The following GLI2 variants were observed in gnomAD, a reference collection of about 807,000 sequenced individuals.
GLI2 encodes transcription activator GLI2.
A neutral mutation model predicts 78.9 loss-of-function variants in GLI2; 22 were observed. The observed-to-expected ratio is 0.28, with a 90% CI of 0.20 to 0.40. GLI2 has a LOEUF of 0.40. GLI2 is among the 10% of genes least tolerant of loss of function. The pLI, the probability that GLI2 is intolerant of heterozygous loss-of-function variation, is 1.00. For synonymous variants in GLI2, 974 were observed against 963.7 expected (o/e 1.01, Z -0.20); for missense variants, 2,097 against 2,213.2 (o/e 0.95, Z 1.05).
chr2:120,954,970 G>A (rs1681170704), intron 4 of GLI2, among the ~76,000 whole-genome samples: 1 of 152,060 alleles, frequency 6.6e-6, no homozygotes, highest in Non-Finnish European at 1.5e-5. Context: ...AGGCAGAGTA[G>A]GGAGAGATTG....
intron 2 of GLI2, among the ~76,000 whole-genome samples, chr2:120,923,498 A>C (rs1486476939): frequency 6.6e-6 from 1 of 152,088 alleles, no homozygotes; most frequent in African/African-American, 2.4e-5. Context: ...ACGTATACGC[A>C]GTAACACACA....
intron 2 of GLI2, among the ~76,000 whole-genome samples, chr2:120,893,669 G>C (rs139537681): frequency 6.6e-6 from 1 of 150,800 alleles, no homozygotes; most frequent in Non-Finnish European, 1.5e-5. Flanking sequence ...AAAAAAAAAA[G>C]GAAAAAGAAA....
chr2:120,897,077 C>T (rs1000300608), intron 2 of GLI2, among the ~76,000 whole-genome samples: 1 of 152,210 alleles, frequency 6.6e-6, no homozygotes, highest in Admixed American at 6.5e-5. Context: ...GCACTGTTCC[C>T]CATGGGGCTG....
At chr2:120,896,670 C>CA (rs1163768905) in intron 2 of GLI2, among the ~76,000 whole-genome samples, 60 of 2,190 alleles carry the variant, frequency 0.027, no homozygotes, top group African/African-American at 0.086. Flanking sequence ...CATACACCCA[C>CA]CCCCCCACAC....
At chr2:120,915,611 T>A (rs530816010) in intron 2 of GLI2, among the ~76,000 whole-genome samples, 1 of 152,176 alleles carries the variant, frequency 6.6e-6, no homozygotes, top group Non-Finnish European at 1.5e-5. Flanking sequence ...CTACCTCTGA[T>A]GCTTAGGCCA....
At chr2:120,930,642 C>T (rs1267905426) in intron 3 of GLI2, among the ~76,000 whole-genome samples, 2 of 152,256 alleles carry the variant, frequency 1.3e-5, no homozygotes, top group African/African-American at 2.4e-5. Context: ...GTTGTGGGTA[C>T]TGCAGATCCT....
intron 3 of GLI2, among the ~76,000 whole-genome samples, chr2:120,950,554 C>T (rs567607161): frequency 6.6e-6 from 1 of 152,326 alleles, no homozygotes; most frequent in African/African-American, 2.4e-5. Flanking sequence ...CGGCACCAAG[C>T]CCAATGCACA....
intron 1 of GLI2, among the ~76,000 whole-genome samples, chr2:120,749,979 C>G (rs1682814274): frequency 6.6e-6 from 1 of 152,188 alleles, no homozygotes; most frequent in Non-Finnish European, 1.5e-5. Flanking sequence ...TGCTCTAAGT[C>G]CCAAAGATAG....
intron 5 of GLI2, among the ~76,000 whole-genome samples, chr2:120,960,015 G>A (rs1681467165): frequency 6.6e-6 from 1 of 152,206 alleles, no homozygotes; most frequent in African/African-American, 2.4e-5. Flanking sequence ...GACAGCCAAG[G>A]AGAACAGGCC....
rs773285493 is a variant in GLI2, at chr2:120,989,768, A to G, written c.3803A>G (p.Gln1268Arg). ...CCAGGGCATCTGGGGCACCCTCAGCAGACAGAAGTGGCACCTGACCCCACC... is the reference window on the plus strand; with the variant it reads ...CCAGGGCATCTGGGGCACCCTCAGCGGACAGAAGTGGCACCTGACCCCACC... ...AKPGHLGHPQ[Q>R]TEVAPDPTTM... is the part of the protein sequence containing the mutation. Residue 1268 changes from glutamine to arginine, a missense_variant, in exon 14 of 14, where the codon CAG becomes CGG. Physicochemically the swap from Gln to Arg is conservative, Grantham distance 43. Coordinates refer to ENST00000361492, the MANE Select transcript of GLI2 (RefSeq NM_001374353.1). 18 of 1,612,162 alleles carry G rather than the reference A, an allele frequency of 1.1e-5. No homozygotes were observed. Among genetic ancestry groups the G allele is most frequent in the Non-Finnish European group, 1.5e-5 (18 of 1,179,378 alleles).
chr2:120,963,478 G>T (rs146597967), intron 5 of GLI2, among the ~76,000 whole-genome samples: 1 of 152,278 alleles, frequency 6.6e-6, no homozygotes, highest in African/African-American at 2.4e-5. Flanking sequence ...TCCACCTGGG[G>T]TATGTGTCTC....
intron 2 of GLI2, among the ~76,000 whole-genome samples, chr2:120,918,495 C>T (rs1679209712): frequency 6.8e-6 from 1 of 146,938 alleles, no homozygotes; most frequent in Non-Finnish European, 1.5e-5. Flanking sequence ...GGCTGGAGTG[C>T]ATTGGCGCAA....
chr2:120,907,763 C>G (rs1263520464), intron 2 of GLI2, among the ~76,000 whole-genome samples: 1 of 152,140 alleles, frequency 6.6e-6, no homozygotes, highest in Non-Finnish European at 1.5e-5. Flanking sequence ...TCATAACCCC[C>G]CCAACACACA....
At chr2:120,797,596 C>T (rs1684462786) in intron 2 of GLI2, 128 bp downstream of exon 2, 2 of 855,368 alleles carry the variant, frequency 2.3e-6, no homozygotes, top group Non-Finnish European at 3.7e-6. Context: ...AAGAGGAAGG[C>T]ACCTCTGCTC....
chr2:120,736,379 C>T (rs186128536), intron 1 of GLI2, 94 bp downstream of exon 1: 92 of 152,264 alleles, frequency 6.0e-4, no homozygotes, highest in African/African-American at 2.2e-3. Flanking sequence ...TGCGCCGTCT[C>T]GGGGGGTCCC....
intron 2 of GLI2, among the ~76,000 whole-genome samples, chr2:120,862,106 C>T (rs183750064): frequency 1.3e-5 from 2 of 152,258 alleles, no homozygotes; most frequent in Admixed American, 6.5e-5. Context: ...AAAGCTTTCC[C>T]GCTTTGGCAG....
At chr2:120,873,060 C>A (rs1339344338) in intron 2 of GLI2, among the ~76,000 whole-genome samples, 1 of 152,220 alleles carries the variant, frequency 6.6e-6, no homozygotes, top group African/African-American at 2.4e-5. Flanking sequence ...TATTCACACA[C>A]ACATACCTGC....
At position 120,959,571 on chromosome 2, in the gene GLI2, C is replaced by T. The variant is rs576574971; in HGVS notation, c.643+4141C>T. On this transcript the variant is annotated intron_variant, in intron 5 of 13. Transcript: ENST00000361492. ...TGCTTTCCGCACTTCCACTTAGCTC[C>T]GAGGCCTGTGTGGACGGTTACTCAC... Among the ~76,000 whole-genome samples, 33 of 152,328 alleles carry T rather than the reference C, an allele frequency of 2.2e-4. No individual in the cohort carries two copies. In the East Asian group the frequency reaches 5.6e-3, roughly 26 times the overall value.
chr2:120,918,392 A>G lies in GLI2; in HGVS notation c.149-8969A>G, dbSNP rs570718241. 3.3e-5 allele frequency among the ~76,000 whole-genome samples: 5 copies of G among 150,830 alleles called. No individual in the cohort carries two copies. The East Asian group carries it at 7.8e-4, about 24-fold the overall frequency. The stretch of plus-strand genomic sequence containing the variant: ...CATCTGCTCAGAGATGGGGAAGGGC[A>G]TTATGACTTATTAGGGGTTTCTACT... On this transcript the variant is annotated intron_variant, in intron 2 of 13. Transcript: ENST00000361492.
Sources: allele counts gnomAD v4.1 joint callset (sites outside exome capture counted in the v4.1 genomes callset), GRCh38; gene constraint gnomAD v4.1.1; transcripts MANE v1.5; gene names NCBI Gene and HGNC (gene_info 2026-07-23, HGNC 2026-07-21).